Variants in BAZ1A observed in about 807,000 individuals in gnomAD.
The protein encoded by BAZ1A is bromodomain adjacent to zinc finger domain protein 1A.
A neutral mutation model predicts 185.2 loss-of-function variants in BAZ1A; 50 were observed. That is an observed-to-expected ratio of 0.27 (90% CI 0.22 to 0.34). The LOEUF (loss-of-function observed/expected upper bound fraction) is 0.34, where lower values mean the gene tolerates loss of function less well. BAZ1A is among the 10% of genes least tolerant of loss of function. BAZ1A has a pLI of 1.00. For missense variants in BAZ1A, 1,356 were observed against 1,839.9 expected, an observed-to-expected ratio of 0.74 and a Z score of 4.81; for synonymous variants, 571 against 615.6, an observed-to-expected ratio of 0.93 and a Z score of 1.07.
chr14:34,870,277 T>C (rs2042929904), intron 2 of BAZ1A, among the ~76,000 whole-genome samples: 1 of 152,134 alleles, frequency 6.6e-6, no homozygotes, highest in Non-Finnish European at 1.5e-5. Context: ...TGCTATACCA[T>C]CCAGGAAAAA....
chr14:34,826,376 T>C (rs1415934841), intron 3 of BAZ1A, among the ~76,000 whole-genome samples: 2 of 152,228 alleles, frequency 1.3e-5, no homozygotes, highest in African/African-American at 4.8e-5. Context: ...TTATCAAGAT[T>C]ATACAAAATT....
At chr14:34,825,324 A>G (rs1288712472) in intron 4 of BAZ1A, among the ~76,000 whole-genome samples, 1 of 151,736 alleles carries the variant, frequency 6.6e-6, no homozygotes, top group Admixed American at 6.6e-5. Flanking sequence ...GTGGTGGTGC[A>G]TGCCTGTAAT....
At chr14:34,815,225 G>T (rs2041988956) in intron 4 of BAZ1A, among the ~76,000 whole-genome samples, 1 of 152,042 alleles carries the variant, frequency 6.6e-6, no homozygotes, top group South Asian at 2.1e-4. Flanking sequence ...TCTTACTGGG[G>T]CTTTGCTATC....
chr14:34,848,335 G>A (rs886658080), intron 3 of BAZ1A, among the ~76,000 whole-genome samples: 1 of 152,184 alleles, frequency 6.6e-6, no homozygotes, highest in Admixed American at 6.5e-5. Flanking sequence ...GCCAGGTGTG[G>A]TGGCTCGTGC....
intron 2 of BAZ1A, among the ~76,000 whole-genome samples, chr14:34,873,533 T>C (rs80306194): frequency 0.082 from 12,489 of 152,120 alleles, 780 homozygotes; most frequent in Admixed American, 0.2. Context: ...ATCAAAACAA[T>C]AGCGAGTGGC....
intron 23 of BAZ1A, among the ~76,000 whole-genome samples, chr14:34,763,329 C>T (rs1193727421): frequency 6.6e-6 from 1 of 151,868 alleles, no homozygotes; most frequent in African/African-American, 2.4e-5. Flanking sequence ...ATCTCAACTT[C>T]TCCAACTGTG....
intron 8 of BAZ1A, 40 bp downstream of exon 8, chr14:34,801,054 T>G (rs1881509547): frequency 1.8e-5 from 25 of 1,420,398 alleles, no homozygotes; most frequent in Non-Finnish European, 2.4e-5. Flanking sequence ...ATATTCTTTC[T>G]TATTCCTAAT....
In BAZ1A at chr14:34,862,248, G is replaced by T; in HGVS notation, c.188C>A (p.Thr63Lys). Residue 63 changes from threonine to lysine, a missense_variant, in exon 3 of 27, where the codon ACG becomes AAG. Around this residue, in one of 7 missense-constraint regions of BAZ1A, gnomAD observed 332 missense variants for 395.3 expected, o/e 0.84. Coordinates refer to ENST00000360310, the MANE Select transcript of BAZ1A (RefSeq NM_013448.3). ...TTCTGACTCAAGTGCTTCCTGATAC[G>T]TCAGTCCAGGTCTACCCGTCACAGC... ...SCAVTGRPGL[T>K]YQEALESEKK... The T allele has an allele frequency of 6.2e-7, 1 of 1,613,906 alleles. No homozygotes were observed. Among genetic ancestry groups the T allele is most frequent in the Non-Finnish European group, 8.5e-7 (1 of 1,180,002 alleles).
In BAZ1A at chr14:34,794,896, T is replaced by C. The variant is rs1881096600; in HGVS notation, c.1225-9A>G. On this transcript the variant is annotated splice_polypyrimidine_tract_variant and intron_variant, in intron 10 of 26. Transcript: ENST00000360310. ...GTTGGTTCTGGAAGTTCCTGAAATATTGAACAATTTATATAACTATTTGAA... is the reference window on the plus strand; with the variant it reads ...GTTGGTTCTGGAAGTTCCTGAAATACTGAACAATTTATATAACTATTTGAA... 3 of 1,607,948 alleles carry C rather than the reference T, an allele frequency of 1.9e-6. No individual in the cohort carries two copies. The highest frequency in any genetic ancestry group is 2.5e-6 in the Non-Finnish European group (3 of 1,178,502).
At chr14:34,764,998 A>G (rs756315491) in intron 22 of BAZ1A, 23 bp downstream of exon 22, 2 of 1,613,496 alleles carry the variant, frequency 1.2e-6, no homozygotes, top group Non-Finnish European at 1.7e-6. Context: ...CTCATTTCTA[A>G]TCTGATAAGA....
At chr14:34,757,936 A>G (rs1886335803) in intron 25 of BAZ1A, among the ~76,000 whole-genome samples, 1 of 150,766 alleles carries the variant, frequency 6.6e-6, no homozygotes, top group Non-Finnish European at 1.5e-5. Context: ...TTTAGTAGAG[A>G]TGGGGTTTCA....
intron 18 of BAZ1A, 100 bp from the exon 19 acceptor site, chr14:34,774,590 C>T: frequency 9.8e-7 from 1 of 1,015,884 alleles, no homozygotes; most frequent in Non-Finnish European, 1.4e-6. Context: ...TATAAAAGTG[C>T]TTTGTAAATC....
chr14:34,766,696 G>T (rs1878867207), intron 21 of BAZ1A, among the ~76,000 whole-genome samples: 1 of 152,224 alleles, frequency 6.6e-6, no homozygotes, highest in African/African-American at 2.4e-5. Flanking sequence ...CATAGGCTAA[G>T]ATTTTAAAGT....
At chr14:34,785,446 C>G (rs1409399323) in intron 14 of BAZ1A, among the ~76,000 whole-genome samples, 1 of 152,132 alleles carries the variant, frequency 6.6e-6, no homozygotes, top group Non-Finnish European at 1.5e-5. Flanking sequence ...ACCTCAAACA[C>G]TTATTCAAGT....
chr14:34,848,104 C>T (rs1382840041), intron 3 of BAZ1A, among the ~76,000 whole-genome samples: 1 of 152,144 alleles, frequency 6.6e-6, no homozygotes, highest in Non-Finnish European at 1.5e-5. Flanking sequence ...CCAAGACATC[C>T]ACCCACCTTG....
chr14:34,766,923 T>C (rs925014248), intron 21 of BAZ1A, among the ~76,000 whole-genome samples: 1 of 151,996 alleles, frequency 6.6e-6, no homozygotes, highest in Non-Finnish European at 1.5e-5. Context: ...AAAATAACTT[T>C]AATATGTTTT....
chr14:34,764,908 C>A lies in BAZ1A; in HGVS notation c.3575G>T (p.Cys1192Phe). The A allele has an allele frequency of 6.2e-7, 1 of 1,614,088 alleles. No individual in the cohort carries two copies. Among genetic ancestry groups the A allele is most frequent in the Non-Finnish European group, 8.5e-7 (1 of 1,180,014 alleles). ...LKTVPEGDWF[C>F]PECRPKQRSR... ...ACGTTGCTTTGGTCGACATTCTGGACAAAACCAGTCTCCTTCAGGCACAGT... is the reference window on the plus strand; with the variant it reads ...ACGTTGCTTTGGTCGACATTCTGGAAAAAACCAGTCTCCTTCAGGCACAGT... The change falls in exon 23 of 27, where the codon TGT becomes TTT. Residue 1192 changes from cysteine to phenylalanine, a missense_variant. Physicochemically the swap from Cys to Phe is radical, Grantham distance 205. Around this residue, in one of 7 missense-constraint regions of BAZ1A, gnomAD observed 309 missense variants for 355.3 expected, o/e 0.87. Transcript: ENST00000360310.
chr14:34,780,403 T>C (rs1159186168), intron 16 of BAZ1A, 93 bp from the exon 17 acceptor site: 5 of 1,312,394 alleles, frequency 3.8e-6, no homozygotes, highest in Non-Finnish European at 4.2e-6. Flanking sequence ...CCAGGCATTA[T>C]AGGCTTAGGA....
Position 34,773,733 on chromosome 14 carries a change from C to T in BAZ1A, c.2998-7G>A. 1 of 1,612,696 alleles carries T rather than the reference C, an allele frequency of 6.2e-7. No homozygotes were observed. The highest frequency in any genetic ancestry group is 8.5e-7 in the Non-Finnish European group (1 of 1,179,624). On this transcript the variant is annotated splice_polypyrimidine_tract_variant and splice_region_variant and intron_variant, in intron 19 of 26. Coordinates refer to ENST00000360310, the MANE Select transcript of BAZ1A (RefSeq NM_013448.3). Reference sequence around the variant, plus strand: ...AGATATGTCGATCTGTAACCTGTAACAAAATTCAAACTTACTAACCATGAA... The same window carrying T: ...AGATATGTCGATCTGTAACCTGTAATAAAATTCAAACTTACTAACCATGAA...
Sources: gnomAD v4.1 joint callset for allele counts (sites outside exome capture counted in the v4.1 genomes callset) on GRCh38, gnomAD v4.1.1 for gene constraint, gnomAD v4.1.1 regional missense constraint, MANE v1.5 for transcripts, NCBI Gene and HGNC (gene_info 2026-07-23, HGNC 2026-07-21) for gene names.